Variants in ZNF469 observed in about 807,000 individuals in gnomAD.
ZNF469 encodes zinc finger protein 469.
Under a neutral mutation model 1.0 loss-of-function variants are expected in ZNF469, and 1 was observed. That is an observed-to-expected ratio of 1.00 (90% CI 0.35 to 4.73). The LOEUF (loss-of-function observed/expected upper bound fraction) is 4.73, where lower values mean the gene tolerates loss of function less well. Ranked by LOEUF, ZNF469 falls within the 30% of genes most tolerant of loss-of-function variation. The probability of loss-of-function intolerance (pLI) is 0.16; values close to 1 mark genes in which losing one functional copy is unlikely to be tolerated. For synonymous variants in ZNF469, 2,703 were observed against 2,363.4 expected, an observed-to-expected ratio of 1.14 and a Z score of -4.17; for missense variants, 6,100 against 5,356.3, an observed-to-expected ratio of 1.14 and a Z score of -4.33.
chr16:88,422,109 ATGAG>A (rs1905479130), intron 1 of ZNF469, among the ~76,000 whole-genome samples: 1 of 147,094 alleles, frequency 6.8e-6, no homozygotes, highest in Non-Finnish European at 1.5e-5. Context: ...GGATGGATGG[ATGAG>A]TGGGTGGATA....
chr16:88,338,545 A>G, the ZNF469 span, among the ~76,000 whole-genome samples: 1 of 152,176 alleles, frequency 6.6e-6, no homozygotes, highest in Non-Finnish European at 1.5e-5. Flanking sequence ...CAGAGCCCCC[A>G]AGCCATCTTG....
At chr16:88,104,723 A>G in the ZNF469 span, among the ~76,000 whole-genome samples, 1 of 152,248 alleles carries the variant, frequency 6.6e-6, no homozygotes, top group African/African-American at 2.4e-5. Flanking sequence ...CATTGGCTCC[A>G]GCCAGTGTGG....
chr16:88,133,517 T>G, the ZNF469 span, among the ~76,000 whole-genome samples: 4 of 152,172 alleles, frequency 2.6e-5, no homozygotes, highest in African/African-American at 9.7e-5. Flanking sequence ...AATTTAATAA[T>G]GTATGTATTA....
the ZNF469 span, among the ~76,000 whole-genome samples, chr16:88,344,762 TG>T: frequency 6.6e-6 from 1 of 152,188 alleles, no homozygotes; most frequent in African/African-American, 2.4e-5. Flanking sequence ...CCTGGGTTCC[TG>T]GGAGGGGCCG....
chr16:88,161,879 C>A, the ZNF469 span, among the ~76,000 whole-genome samples: 1 of 152,314 alleles, frequency 6.6e-6, no homozygotes, highest in African/African-American at 2.4e-5. Context: ...GGGCAAGAGT[C>A]TTCTGATGGA....
the ZNF469 span, among the ~76,000 whole-genome samples, chr16:88,166,631 A>G: frequency 2.2e-4 from 34 of 152,092 alleles, no homozygotes; most frequent in South Asian, 4.4e-3. The surrounding 1 kb of genome is among the most constrained non-coding windows in gnomAD (Gnocchi z 4.5). Context: ...TAGTCCCAGA[A>G]CTTCATATAA....
chr16:88,320,226 C>T, the ZNF469 span, among the ~76,000 whole-genome samples: 3 of 152,194 alleles, frequency 2.0e-5, no homozygotes, highest in Non-Finnish European at 4.4e-5. Context: ...CCTAGGGAGA[C>T]TCGGGGTTTT....
At chr16:88,372,083 TCA>T in the ZNF469 span, among the ~76,000 whole-genome samples, 5 of 85,716 alleles carry the variant, frequency 5.8e-5, no homozygotes, top group Non-Finnish European at 9.6e-5. Flanking sequence ...ATCACCACCA[TCA>T]TCACCATCAC....
chr16:88,317,617 G>A, the ZNF469 span, among the ~76,000 whole-genome samples: 43 of 152,312 alleles, frequency 2.8e-4, no homozygotes, highest in South Asian at 6.2e-4. Context: ...AGTGCCCGCC[G>A]GCAGCCGCCC....
At chr16:88,199,535 T>C in the ZNF469 span, among the ~76,000 whole-genome samples, 35,168 of 152,060 alleles carry the variant, frequency 0.23, 4,472 homozygotes, top group Non-Finnish European at 0.3. Flanking sequence ...TTGATGAAGG[T>C]GCCCTTGCTC....
At chr16:88,266,395 A>C in the ZNF469 span, among the ~76,000 whole-genome samples, 1 of 152,242 alleles carries the variant, frequency 6.6e-6, no homozygotes, top group African/African-American at 2.4e-5. Context: ...TCCAGGAGAC[A>C]GTACGGCCTG....
At chr16:88,366,832 C>A in the ZNF469 span, among the ~76,000 whole-genome samples, 2 of 151,774 alleles carry the variant, frequency 1.3e-5, no homozygotes, top group African/African-American at 4.8e-5. Flanking sequence ...ATCNCCATAA[C>A]CATCATCATT....
At chr16:88,146,126 C>T in the ZNF469 span, among the ~76,000 whole-genome samples, 151,889 of 152,344 alleles carry the variant, frequency 1, 75,719 homozygotes, top group Middle Eastern at 1. Context: ...CCTGTAATGC[C>T]GGAACCACCA....
At chr16:88,277,604 GCTCC>G in the ZNF469 span, among the ~76,000 whole-genome samples, 1 of 140,666 alleles carries the variant, frequency 7.1e-6, no homozygotes, top group African/African-American at 3.1e-5. Flanking sequence ...CCACGCTGAT[GCTCC>G]GTCAGTACTG....
chr16:88,222,015 C>G, the ZNF469 span, among the ~76,000 whole-genome samples: 2 of 152,058 alleles, frequency 1.3e-5, no homozygotes, highest in South Asian at 4.1e-4. Flanking sequence ...GGGCCGTGGG[C>G]TTATTTTTTG....
rs1374813334 is a variant in ZNF469 at position 88,435,348 on chromosome 16, C to T, written c.7878C>T (p.His2626=). The change falls in exon 3 of 3, where the codon CAC becomes CAT. Residue 2626 remains histidine (H), a synonymous_variant. Transcript: ENST00000565624. ...AGCCCACCGTGGACTCTCCTAGCCA[C>T]TCAGAGGGGAAGTCAAATAAGAAAA... ...RREPTVDSPS[H]SEGKSNKKRG... 1.9e-6 allele frequency: 3 copies of T among 1,550,364 alleles called. No individual in the cohort carries two copies. The highest frequency in any genetic ancestry group is 2.6e-6 in the Non-Finnish European group (3 of 1,146,982).
chr16:88,174,480 A>ATCTG, the ZNF469 span, among the ~76,000 whole-genome samples: 1 of 71,936 alleles, frequency 1.4e-5, no homozygotes, highest in East Asian at 5.4e-4. Context: ...CTGTCTGTCT[A>ATCTG]TCTATCTATC....
rs1567517540 is a variant in ZNF469 at position 88,438,516 on chromosome 16, C to T, written c.11046C>T (p.Asp3682=). 1.9e-6 allele frequency: 3 copies of T among 1,550,142 alleles called. No individual in the cohort carries two copies. The highest frequency in any genetic ancestry group is 2.0e-5 in the Admixed American group (1 of 51,008). The change falls in exon 3 of 3, where the codon GAC becomes GAT. Residue 3682 remains aspartate, a synonymous_variant. Coordinates refer to ENST00000565624, the MANE Select transcript of ZNF469 (RefSeq NM_001367624.2). ...CGGGCTGCCAGAGCTCATCAAAGGA[C>T]AGGTCGGCAGCATCCACCCCCAGCA... is the stretch of plus-strand genomic sequence containing the variant. ...KPAGCQSSSK[D]RSAASTPSKA...
At chr16:88,140,476 G>GGAGGACGGAGCCACGTAGAAA in the ZNF469 span, among the ~76,000 whole-genome samples, 4 of 132,262 alleles carry the variant, frequency 3.0e-5, no homozygotes, top group African/African-American at 1.8e-4. Flanking sequence ...AGCACGGAAA[G>GGAGGACGGAGCCACGTAGAAA]TCAGTGACAA....
Sources: allele counts gnomAD v4.1 joint callset (sites outside exome capture counted in the v4.1 genomes callset), GRCh38; gene constraint gnomAD v4.1.1; non-coding constraint Gnocchi (gnomAD v3.1); transcripts MANE v1.5; gene names NCBI Gene and HGNC (gene_info 2026-07-23, HGNC 2026-07-21).